Variants in DGKB observed in about 807,000 individuals in gnomAD.
The protein encoded by DGKB is diacylglycerol kinase beta.
In DGKB, 67 loss-of-function variants were observed where a neutral mutation model predicts 114.3. The observed-to-expected ratio is 0.59, with a 90% CI of 0.48 to 0.72. DGKB has a LOEUF of 0.72. Ranked by LOEUF, DGKB falls within the 30% of genes least tolerant of loss-of-function variation. DGKB has a pLI of 0.00. For synonymous variants in DGKB, 398 were observed against 323.1 expected (o/e 1.23, Z -2.49); for missense variants, 907 against 975.2 (o/e 0.93, Z 0.93).
intron 20 of DGKB, among the ~76,000 whole-genome samples, chr7:14,554,130 C>T (rs912966592): frequency 2.0e-5 from 3 of 152,030 alleles, no homozygotes; most frequent in African/African-American, 7.2e-5. Context: ...CCTCGGCCTC[C>T]CAAAGTGCTG....
At chr7:14,177,745 G>C (rs1157819176) in intron 24 of DGKB, among the ~76,000 whole-genome samples, 2 of 151,992 alleles carry the variant, frequency 1.3e-5, no homozygotes, top group African/African-American at 4.8e-5. Context: ...TGCTTCAGTA[G>C]ACTAATATGA....
At chr7:14,342,457 T>G (rs1201862961) in intron 22 of DGKB, among the ~76,000 whole-genome samples, 1 of 151,900 alleles carries the variant, frequency 6.6e-6, no homozygotes, top group Non-Finnish European at 1.5e-5. Context: ...TTAAAATATT[T>G]TCTTGTAATT....
At chr7:14,864,671 A>C (rs887347876) in intron 1 of DGKB, among the ~76,000 whole-genome samples, 2 of 152,188 alleles carry the variant, frequency 1.3e-5, no homozygotes, top group African/African-American at 4.8e-5. Context: ...TAGAAGCAGC[A>C]GCGATTAGCC....
chr7:14,927,974 G>A lies in DGKB; in HGVS notation c.-188+46722C>T, dbSNP rs533189680. On this transcript the variant is annotated intron_variant, in intron 1 of 4. Coordinates refer to the DGKB transcript ENST00000437998. Reference sequence around the variant, plus strand: ...TAAATTCTGAGCAAGTCTATAAAAAGGCAAGATAGTTACTACAAATGTACC... The same window carrying A: ...TAAATTCTGAGCAAGTCTATAAAAAAGCAAGATAGTTACTACAAATGTACC... Among the ~76,000 whole-genome samples the A allele has an allele frequency of 4.6e-5, 7 of 151,810 alleles. No individual in the cohort carries two copies. In the South Asian group the frequency reaches 8.3e-4, roughly 18 times the overall value.
chr7:14,453,298 CA>C (rs1271545909), intron 21 of DGKB, among the ~76,000 whole-genome samples: 1 of 152,080 alleles, frequency 6.6e-6, no homozygotes, highest in African/African-American at 2.4e-5. Context: ...TTGTCACCAC[CA>C]CAGCCATTTC....
At chr7:14,399,079 G>T (rs6461093) in intron 21 of DGKB, among the ~76,000 whole-genome samples, 130,069 of 151,836 alleles carry the variant, frequency 0.86, 56,205 homozygotes, top group Middle Eastern at 0.93. Context: ...CGGCGACTTA[G>T]AAAACATATG....
chr7:14,801,143 G>C (rs544156382), intron 2 of DGKB, among the ~76,000 whole-genome samples: 2 of 152,174 alleles, frequency 1.3e-5, no homozygotes, highest in Non-Finnish European at 2.9e-5. Flanking sequence ...GGCATAAGAC[G>C]TATTAATTCT....
At chr7:14,336,321 A>T (rs780983096) in intron 23 of DGKB, among the ~76,000 whole-genome samples, 3 of 152,184 alleles carry the variant, frequency 2.0e-5, no homozygotes, top group Non-Finnish European at 4.4e-5. Context: ...AAAAATATTC[A>T]GCTCAAAAGG....
At chr7:14,214,326 C>T (rs565732189) in intron 23 of DGKB, among the ~76,000 whole-genome samples, 1 of 152,140 alleles carries the variant, frequency 6.6e-6, no homozygotes, top group African/African-American at 2.4e-5. Flanking sequence ...ATGGCACGCT[C>T]TTTCTTCTTT....
chr7:14,355,717 G>A (rs1814325962), intron 21 of DGKB, among the ~76,000 whole-genome samples: 1 of 152,138 alleles, frequency 6.6e-6, no homozygotes, highest in African/African-American at 2.4e-5. Flanking sequence ...ATCTTCATCA[G>A]GGATATTGGT....
intron 1 of DGKB, among the ~76,000 whole-genome samples, chr7:14,922,848 CT>C (rs1004493703): frequency 8.6e-6 from 1 of 116,224 alleles, no homozygotes; most frequent in Non-Finnish European, 2.2e-5. Context: ...CCAACTCATC[CT>C]TTTTTCTGAT....
At chr7:14,512,833 A>G (rs558223528) in intron 20 of DGKB, among the ~76,000 whole-genome samples, 2 of 152,276 alleles carry the variant, frequency 1.3e-5, no homozygotes, top group South Asian at 4.1e-4. Context: ...GACAAAGTTT[A>G]CACACCAAAA....
At chr7:14,157,444 T>G (rs1783187448) in intron 25 of DGKB, among the ~76,000 whole-genome samples, 1 of 151,786 alleles carries the variant, frequency 6.6e-6, no homozygotes, top group Admixed American at 6.6e-5. Flanking sequence ...AATGTTAAAG[T>G]CTTCGATCTA....
At chr7:14,167,052 A>G (rs575823707) in intron 25 of DGKB, among the ~76,000 whole-genome samples, 8 of 151,986 alleles carry the variant, frequency 5.3e-5, no homozygotes, top group African/African-American at 1.9e-4. Context: ...TGTACTAAAA[A>G]TACAAAAAAT....
chr7:14,345,374 C>A lies in DGKB; in HGVS notation c.1853G>T (p.Trp618Leu). The A allele has an allele frequency of 6.5e-7, 1 of 1,539,156 alleles. No homozygotes were observed. The highest frequency in any genetic ancestry group is 1.2e-5 in the South Asian group (1 of 83,712). ...TTCAGATGTGCCAAACTCAAAATAC[C>A]AAAATTTGTTCTTCATTCTGAAAAA... is the stretch of plus-strand genomic sequence containing the variant. ...KFNSRMKNKFWYFEFGTSETF... is the reference protein window; with the variant it reads ...KFNSRMKNKFLYFEFGTSETF... Residue 618 changes from tryptophan to leucine, a missense_variant, in exon 22 of 26, where the codon TGG (tryptophan) becomes TTG (leucine). Physicochemically the swap from Trp to Leu is moderately conservative, Grantham distance 61. Coordinates refer to ENST00000402815, the MANE Select transcript of DGKB (RefSeq NM_001350709.2).
intron 1 of DGKB, among the ~76,000 whole-genome samples, chr7:14,966,175 G>A (rs1001486846): frequency 9.9e-5 from 15 of 151,948 alleles, no homozygotes; most frequent in African/African-American, 3.4e-4. Flanking sequence ...TCCTTCTCCT[G>A]TTTTCTACTG....
At chr7:14,348,858 G>A (rs947495205) in intron 21 of DGKB, among the ~76,000 whole-genome samples, 1 of 151,786 alleles carries the variant, frequency 6.6e-6, no homozygotes, top group South Asian at 2.1e-4. Flanking sequence ...GACAAGTTCT[G>A]TGCACCTTTG....
intron 2 of DGKB, among the ~76,000 whole-genome samples, chr7:14,828,658 T>G (rs1463670659): frequency 6.6e-6 from 1 of 152,140 alleles, no homozygotes; most frequent in Non-Finnish European, 1.5e-5. Flanking sequence ...TTGCTTGGGT[T>G]CTGGCAGTAA....
rs1562524001 is a variant in DGKB, at chr7:14,170,181, GAAAGAA to G, written c.2304+6652_2304+6657del. Among the ~76,000 whole-genome samples the G allele has an allele frequency of 7.0e-5, 10 of 142,488 alleles. 1 individual carries two copies. Among genetic ancestry groups the G allele is most frequent in the African/African-American group, 1.9e-4 (7 of 36,266 alleles). 93.5% of individuals were successfully genotyped at this position (142,488 alleles called of 152,430 possible). The stretch of plus-strand genomic sequence containing the variant: ...AGAAAGAAAGAAAGAAAGAAAGAAA[GAAAGAA>G]AGAAAGAAAGAAAGAAATACATTAA... On this transcript the variant is annotated intron_variant, in intron 25 of 25. Transcript: ENST00000402815.
Sources: allele counts gnomAD v4.1 joint callset (sites outside exome capture counted in the v4.1 genomes callset), GRCh38; gene constraint gnomAD v4.1.1; transcripts MANE v1.5; gene names NCBI Gene and HGNC (gene_info 2026-07-23, HGNC 2026-07-21).